ABCB5: variants seen among roughly 807,000 people sequenced by gnomAD.
The protein encoded by ABCB5 is ATP-binding cassette sub-family B member 5.
A neutral mutation model predicts 144.2 loss-of-function variants in ABCB5; 155 were observed. The observed-to-expected ratio is 1.08, with a 90% CI of 0.94 to 1.23. ABCB5 has a LOEUF of 1.23. Among genes scored for constraint, ABCB5 ranks in the 50% most tolerant of loss-of-function variants. The pLI, the probability that ABCB5 is intolerant of heterozygous loss-of-function variation, is 0.00. For synonymous variants in ABCB5, 610 were observed against 528.6 expected (o/e 1.15, Z -2.11); for missense variants, 1,830 against 1,520.8 (o/e 1.20, Z -3.38).
chr7:20,646,325 G>C (rs1418620193), intron 9 of ABCB5, among the ~76,000 whole-genome samples, 187 bp downstream of exon 9: 1 of 152,154 alleles, frequency 6.6e-6, no homozygotes, highest in Non-Finnish European at 1.5e-5. Flanking sequence ...TATTCATCCA[G>C]CATGTTTTAG....
At chr7:20,728,543 C>T in intron 23 of ABCB5, 88 bp downstream of exon 23, 3 of 1,448,938 alleles carry the variant, frequency 2.1e-6, no homozygotes, top group Non-Finnish European at 2.8e-6. Flanking sequence ...CACTTGAGGT[C>T]AGGAGTTTGA....
At chr7:20,635,022 T>G (rs1784122536) in intron 5 of ABCB5, among the ~76,000 whole-genome samples, 1 of 152,184 alleles carries the variant, frequency 6.6e-6, no homozygotes, top group Non-Finnish European at 1.5e-5. Flanking sequence ...CTTCTAGTAT[T>G]CTTATCACTT....
chr7:20,623,344 CTCTCACTAAGT>C lies in ABCB5; in HGVS notation c.53+10_53+20del. On this transcript the variant is annotated splice_region_variant and intron_variant, in intron 2 of 27. Coordinates refer to ENST00000404938, the MANE Select transcript of ABCB5 (RefSeq NM_001163941.2). ...GAAAATTATCAGAGAAATGGGTAAG[CTCTCACTAAGT>C]TCTGTAAGTATGCTTCCACAACTTC... The C allele has an allele frequency of 6.5e-7, 1 of 1,546,594 alleles. No homozygotes were observed. Among genetic ancestry groups the C allele is most frequent in the Non-Finnish European group, 8.8e-7 (1 of 1,141,904 alleles).
intron 14 of ABCB5, chr7:20,659,715 G>C: frequency 1.0e-6 from 1 of 986,432 alleles, no homozygotes; most frequent in South Asian, 4.7e-5. Flanking sequence ...ACAGGGATCT[G>C]TATTTAGACT....
chr7:20,686,810 G>T (rs1786017475), intron 16 of ABCB5, among the ~76,000 whole-genome samples: 1 of 152,030 alleles, frequency 6.6e-6, no homozygotes, highest in African/African-American at 2.4e-5. Context: ...ACTTGAGATT[G>T]AATCTCCTCT....
At chr7:20,679,658 A>T (rs1785728290) in intron 14 of ABCB5, among the ~76,000 whole-genome samples, 1 of 152,200 alleles carries the variant, frequency 6.6e-6, no homozygotes, top group Admixed American at 6.5e-5. Flanking sequence ...CACAAGAGAG[A>T]ATATCCAAAT....
At chr7:20,673,747 C>A (rs1028972624) in intron 14 of ABCB5, among the ~76,000 whole-genome samples, 2 of 151,892 alleles carry the variant, frequency 1.3e-5, no homozygotes, top group African/African-American at 4.8e-5. Context: ...AGTGTTTAGA[C>A]CATTTACATT....
At chr7:20,666,627 T>G (rs1010331262) in intron 14 of ABCB5, 1 of 1,156,666 alleles carries the variant, frequency 8.6e-7, no homozygotes, top group East Asian at 2.8e-5. Context: ...GTCAGCAAAG[T>G]GTCAAGTAGA....
chr7:20,663,921 G>C (rs139104534), intron 14 of ABCB5, among the ~76,000 whole-genome samples: 1,777 of 151,890 alleles, frequency 0.012, 40 homozygotes, highest in African/African-American at 0.041. Context: ...TCACCATGTT[G>C]GTCAGGCTGG....
chr7:20,731,369 A>AAAAAAAAAAAAAAAATAT (rs57305244), intron 23 of ABCB5, among the ~76,000 whole-genome samples: 18 of 123,072 alleles, frequency 1.5e-4, no homozygotes, highest in African/African-American at 4.9e-4. Context: ...AAAAAAAAAA[A>AAAAAAAAAAAAAAAATAT]ATATATATAT....
At chr7:20,656,625 A>G (rs1171753403) in intron 13 of ABCB5, among the ~76,000 whole-genome samples, 1 of 152,194 alleles carries the variant, frequency 6.6e-6, no homozygotes, top group Non-Finnish European at 1.5e-5. Flanking sequence ...TTTGGTGATG[A>G]TGTAAGCAAT....
At chr7:20,646,599 A>G (rs995239394) in intron 9 of ABCB5, among the ~76,000 whole-genome samples, 4 of 152,224 alleles carry the variant, frequency 2.6e-5, no homozygotes, top group African/African-American at 9.6e-5. Flanking sequence ...AAAACAGACT[A>G]CATATAGCTC....
chr7:20,724,628 CAAAAAAAA>C (rs34395637), intron 21 of ABCB5, among the ~76,000 whole-genome samples: 1 of 88,594 alleles, frequency 1.1e-5, no homozygotes, highest in Non-Finnish European at 2.1e-5. Flanking sequence ...AGCTCTGTCT[CAAAAAAAA>C]AAAAAAAAAA....
chr7:20,659,245 A>C (rs1784916885), intron 14 of ABCB5: 1 of 1,533,424 alleles, frequency 6.5e-7, no homozygotes, highest in Non-Finnish European at 8.7e-7. Context: ...AATTACACTG[A>C]ATCTAGGAGG....
intron 23 of ABCB5, among the ~76,000 whole-genome samples, chr7:20,731,355 G>GAAAAAAAAAAAA (rs869149519): frequency 2.3e-5 from 3 of 127,856 alleles, no homozygotes; most frequent in East Asian, 4.6e-4. Flanking sequence ...TCCAACTCAG[G>GAAAAAAAAAAAA]AAAAAAAAAA....
chr7:20,739,593 G>A (rs1196199970), intron 24 of ABCB5, among the ~76,000 whole-genome samples: 1 of 151,782 alleles, frequency 6.6e-6, no homozygotes, highest in Non-Finnish European at 1.5e-5. Flanking sequence ...TAAAATATAT[G>A]CTTTTAATTT....
At position 20,756,415 on chromosome 7, in the gene ABCB5, G is replaced by T. The variant is rs544257075; in HGVS notation, c.*791G>T. 1 of 152,486 alleles carries T rather than the reference G, an allele frequency of 6.6e-6. No individual in the cohort carries two copies. The highest frequency in any genetic ancestry group is 1.9e-4 in the East Asian group (1 of 5,314). 9.4% of individuals were successfully genotyped at this position (152,486 alleles called of 1,614,324 possible). On this transcript the variant is annotated 3_prime_UTR_variant, in exon 28 of 28. Coordinates refer to ENST00000404938, the MANE Select transcript of ABCB5 (RefSeq NM_001163941.2). ...CCCAGAACTTTGGGAGGCCGAGGAG[G>T]GCGGATCACTTGAGGTCAGGAGTTC... is the stretch of plus-strand genomic sequence containing the variant.
In ABCB5 at chr7:20,741,400, T is replaced by C. The variant is rs191251318; in HGVS notation, c.3025-1477T>C. Among the ~76,000 whole-genome samples, 506 of 152,072 alleles carry C rather than the reference T, an allele frequency of 3.3e-3. 1 individual carries two copies. The highest frequency in any genetic ancestry group is 5.1e-3 in the Non-Finnish European group (350 of 67,984). On this transcript the variant is annotated intron_variant, in intron 24 of 27. Coordinates refer to ENST00000404938, the MANE Select transcript of ABCB5 (RefSeq NM_001163941.2). ...TTCTGTTTTTTTAAAACCTTTTTTA[T>C]ACAAATGCAGAGAGGGAAGTACACC...
chr7:20,639,599 AAC>A (rs1403734824), intron 5 of ABCB5, among the ~76,000 whole-genome samples: 2 of 152,150 alleles, frequency 1.3e-5, no homozygotes, highest in Admixed American at 6.6e-5. Flanking sequence ...TTGTTGAAAA[AAC>A]AGTCTTTTCT....
Sources: gnomAD v4.1 joint callset for allele counts (sites outside exome capture counted in the v4.1 genomes callset) on GRCh38, gnomAD v4.1.1 for gene constraint, MANE v1.5 for transcripts, NCBI Gene and HGNC (gene_info 2026-07-23, HGNC 2026-07-21) for gene names.